WDR49: variants seen among roughly 807,000 people sequenced by gnomAD.
WDR49 encodes the protein cilia- and flagella-associated protein 337.
WDR49 carries 107 observed loss-of-function variants against 119.5 expected under a neutral mutation model. The observed-to-expected ratio is 0.90, with a 90% CI of 0.77 to 1.05. WDR49 has a LOEUF of 1.05. Among genes scored for constraint, WDR49 ranks in the 50% least tolerant of loss-of-function variants. WDR49 has a pLI of 0.00. For synonymous variants in WDR49, 425 were observed against 418.8 expected (o/e 1.01, Z -0.18); for missense variants, 1,240 against 1,220.5 (o/e 1.02, Z -0.24).
intron 16 of WDR49, among the ~76,000 whole-genome samples, chr3:167,517,679 T>A (rs1476102916): frequency 2.6e-5 from 4 of 151,944 alleles, no homozygotes; most frequent in Non-Finnish European, 5.9e-5. Flanking sequence ...ATGAGATATT[T>A]TTTTTTTCCG....
Position 167,647,783 on chromosome 3 carries a change from A to G in WDR49, c.165+5478T>C, listed in dbSNP as rs150663371. ...AAGCTTCACCTGTTTACCTTCTCAC[A>G]AGTCTCCACTGAGATGCCTTTAGAA... On this transcript the variant is annotated intron_variant, in intron 2 of 18. Coordinates refer to ENST00000682715, the MANE Select transcript of WDR49 (RefSeq NM_001366157.1). 2.0e-5 allele frequency among the ~76,000 whole-genome samples: 3 copies of G among 152,308 alleles called. No individual in the cohort carries two copies. The East Asian group carries it at 5.8e-4, about 29-fold the overall frequency.
In WDR49 at chr3:167,554,737, T is replaced by G. The variant is rs148814428; in HGVS notation, c.1736A>C (p.Asp579Ala). The change falls in exon 10 of 19, where the codon GAT becomes GCT. Residue 579 changes from aspartate to alanine, a missense_variant. Physicochemically the swap from Asp to Ala is moderately radical, Grantham distance 126. Coordinates refer to ENST00000682715, the MANE Select transcript of WDR49 (RefSeq NM_001366157.1). ...TLNVGQDGAV[D>A]ISQILILKKK... ...CTTAAGAATGAGGATTTGTGAAATATCCACAGCTCCATCTTGCCCAACATT... is the reference window on the plus strand; with the variant it reads ...CTTAAGAATGAGGATTTGTGAAATAGCCACAGCTCCATCTTGCCCAACATT... 2 of 1,613,642 alleles carry G rather than the reference T, an allele frequency of 1.2e-6. No homozygotes were observed. Among genetic ancestry groups the G allele is most frequent in the East Asian group, 2.2e-5 (1 of 44,808 alleles).
At position 167,582,275 on chromosome 3, in the gene WDR49, A is replaced by G. The variant is rs79390660; in HGVS notation, c.1276-6124T>C. 3.2e-3 allele frequency among the ~76,000 whole-genome samples: 483 copies of G among 152,254 alleles called. 3 individuals carry two copies. Among genetic ancestry groups the G allele is most frequent in the African/African-American group, 0.011 (455 of 41,556 alleles). On this transcript the variant is annotated intron_variant, in intron 7 of 18. Coordinates refer to ENST00000682715, the MANE Select transcript of WDR49 (RefSeq NM_001366157.1). Reference sequence around the variant, plus strand: ...ACAAAAGCATAATCAGTAAATGCTTAAAGACAATTTTGTTTGACATGATGT... The same window carrying G: ...ACAAAAGCATAATCAGTAAATGCTTGAAGACAATTTTGTTTGACATGATGT...
At chr3:167,543,224 G>A (rs1023204633) in intron 10 of WDR49, among the ~76,000 whole-genome samples, 4 of 151,902 alleles carry the variant, frequency 2.6e-5, no homozygotes, top group African/African-American at 9.7e-5. Flanking sequence ...AAGAATAATT[G>A]GTACCAATCT....
intron 10 of WDR49, among the ~76,000 whole-genome samples, chr3:167,544,865 C>T (rs937267534): frequency 4.1e-4 from 63 of 152,106 alleles, no homozygotes; most frequent in African/African-American, 1.3e-3. Context: ...AACTAAGCAG[C>T]TTCTGCACAG....
At chr3:167,565,340 A>C (rs1157819046) in intron 8 of WDR49, among the ~76,000 whole-genome samples, 1 of 150,504 alleles carries the variant, frequency 6.6e-6, no homozygotes, top group East Asian at 1.9e-4. Context: ...GTCCAGGGAG[A>C]GAGGCAACAA....
chr3:167,594,973 T>C (rs1176278400), intron 7 of WDR49, among the ~76,000 whole-genome samples: 9 of 150,092 alleles, frequency 6.0e-5, no homozygotes, highest in South Asian at 2.2e-4. Context: ...AAAACCCCAT[T>C]GTCTCAGCCC....
intron 5 of WDR49, among the ~76,000 whole-genome samples, chr3:167,616,130 C>T (rs183482187): frequency 1.2e-4 from 19 of 152,242 alleles, no homozygotes; most frequent in Non-Finnish European, 1.5e-5. Context: ...AATTACCTAG[C>T]AAATGTTTTT....
rs138923444 is a variant in WDR49 at position 167,610,558 on chromosome 3, C to A, written c.959-6090G>T. On this transcript the variant is annotated intron_variant, in intron 5 of 18. Transcript: ENST00000682715. The stretch of plus-strand genomic sequence containing the variant: ...AGGTAGACTTCTAAAGTTTTTGACT[C>A]TAGTCCCTGACTTGCAGATGGCATT... Among the ~76,000 whole-genome samples the A allele has an allele frequency of 9.6e-4, 147 of 152,356 alleles. 5 individuals carry two copies. The East Asian group carries it at 0.027, about 28-fold the overall frequency.
chr3:167,526,260 C>T (rs1250775387), intron 15 of WDR49, among the ~76,000 whole-genome samples: 3 of 152,110 alleles, frequency 2.0e-5, no homozygotes, highest in Admixed American at 2.0e-4. Flanking sequence ...TACAAGCACA[C>T]ATTTCTGAAT....
Position 167,522,348 on chromosome 3 carries a change from A to G in WDR49, c.2741T>C (p.Leu914Pro). ...TGAGTCATCTTTGTTTTTCTTATTA[A>G]GTAGAGAATGTTCTGTTGGGTCTAA... ...SCLDPTEHSL[L>P]NKKNKDDSTY... Residue 914 changes from leucine (L) to proline (P), a missense_variant, in exon 16 of 19, where the codon CTT (leucine) becomes CCT (proline). Transcript: ENST00000682715. The G allele has an allele frequency of 1.9e-6, 3 of 1,589,800 alleles. No individual in the cohort carries two copies. The highest frequency in any genetic ancestry group is 2.6e-6 in the Non-Finnish European group (3 of 1,174,488).
chr3:167,505,664 TC>T (rs978257575), intron 16 of WDR49, among the ~76,000 whole-genome samples: 4 of 152,156 alleles, frequency 2.6e-5, no homozygotes, highest in African/African-American at 4.8e-5. Flanking sequence ...CAAAGCCCTG[TC>T]CCCATAGCAA....
chr3:167,555,640 T>C (rs1712878261), intron 9 of WDR49, among the ~76,000 whole-genome samples: 1 of 152,120 alleles, frequency 6.6e-6, no homozygotes, highest in Non-Finnish European at 1.5e-5. Context: ...TAGAATTGAA[T>C]TGGAGGACAC....
intron 16 of WDR49, among the ~76,000 whole-genome samples, chr3:167,520,625 A>G (rs1299144965): frequency 6.6e-6 from 1 of 152,230 alleles, no homozygotes; most frequent in Non-Finnish European, 1.5e-5. Flanking sequence ...AAAGTAATTT[A>G]GCATAACAGA....
intron 7 of WDR49, among the ~76,000 whole-genome samples, chr3:167,591,902 T>C (rs541229111): frequency 6.6e-6 from 1 of 152,328 alleles, no homozygotes; most frequent in East Asian, 1.9e-4. Context: ...AATGCTATTA[T>C]TGACAAGTAA....
intron 13 of WDR49, among the ~76,000 whole-genome samples, chr3:167,529,580 A>G (rs1752771815): frequency 6.6e-6 from 1 of 152,122 alleles, no homozygotes; most frequent in South Asian, 2.1e-4. Context: ...CAACATTATG[A>G]TAATATTCTC....
intron 10 of WDR49, among the ~76,000 whole-genome samples, chr3:167,553,999 A>T (rs1332649727): frequency 6.6e-6 from 1 of 152,092 alleles, no homozygotes; most frequent in Non-Finnish European, 1.5e-5. Flanking sequence ...TTGGACGACT[A>T]CCTATTAGAG....
intron 10 of WDR49, among the ~76,000 whole-genome samples, chr3:167,543,749 T>C (rs567069920): frequency 1.6e-4 from 25 of 152,016 alleles, no homozygotes; most frequent in African/African-American, 6.0e-4. Context: ...AATGCCCACT[T>C]TCACCACGTC....
chr3:167,652,294 T>C (rs759004534), intron 2 of WDR49, among the ~76,000 whole-genome samples: 5 of 152,240 alleles, frequency 3.3e-5, no homozygotes, highest in Non-Finnish European at 7.3e-5. Flanking sequence ...CTTTTGTGGA[T>C]ATCCAAAGAT....
Sources: allele counts gnomAD v4.1 joint callset (sites outside exome capture counted in the v4.1 genomes callset), GRCh38; gene constraint gnomAD v4.1.1; transcripts MANE v1.5; gene names NCBI Gene and HGNC (gene_info 2026-07-23, HGNC 2026-07-21).